FOXP2: variants seen among roughly 807,000 people sequenced by gnomAD.
The protein encoded by FOXP2 is forkhead box protein P2.
In FOXP2, 12 loss-of-function variants were observed where a neutral mutation model predicts 115.8. The observed-to-expected ratio is 0.10, with a 90% confidence interval of 0.07 to 0.17. The LOEUF is 0.17. Ranked by LOEUF, FOXP2 falls within the 10% of genes least tolerant of loss-of-function variation. The pLI, the probability that FOXP2 is intolerant of heterozygous loss-of-function variation, is 1.00. For synonymous variants in FOXP2, 328 were observed against 297.7 expected (o/e 1.10, Z -1.05); for missense variants, 629 against 843.5 (o/e 0.75, Z 3.15).
intron 8 of FOXP2, among the ~76,000 whole-genome samples, chr7:114,647,218 G>A (rs1282741307): frequency 6.6e-6 from 1 of 151,584 alleles, no homozygotes; most frequent in Non-Finnish European, 1.5e-5. Flanking sequence ...ACATTAAAAA[G>A]AATAATAGAA....
At chr7:114,294,129 A>C (rs1796677927) in intron 2 of FOXP2, among the ~76,000 whole-genome samples, 1 of 152,214 alleles carries the variant, frequency 6.6e-6, no homozygotes, top group African/African-American at 2.4e-5. Context: ...AAAATGTGAA[A>C]TGTTTAGATT....
At chr7:114,216,654 C>T (rs373374094) in intron 1 of FOXP2, among the ~76,000 whole-genome samples, 3 of 151,874 alleles carry the variant, frequency 2.0e-5, no homozygotes, top group South Asian at 2.1e-4. Context: ...CTTAAGTGTA[C>T]GTCTCTGATT....
At chr7:114,258,320 G>T (rs576111205) in intron 1 of FOXP2, among the ~76,000 whole-genome samples, 1 of 152,314 alleles carries the variant, frequency 6.6e-6, no homozygotes, top group African/African-American at 2.4e-5. Flanking sequence ...ACTGTGTTTG[G>T]TGGATATCCT....
chr7:114,442,891 T>C (rs1312384531), intron 2 of FOXP2, among the ~76,000 whole-genome samples: 1 of 152,178 alleles, frequency 6.6e-6, no homozygotes, highest in Non-Finnish European at 1.5e-5. Context: ...AAGATAGAAT[T>C]GACACTTCTT....
chr7:114,496,096 T>C (rs1797308483), intron 2 of FOXP2, among the ~76,000 whole-genome samples: 1 of 152,172 alleles, frequency 6.6e-6, no homozygotes, highest in Non-Finnish European at 1.5e-5. Context: ...GAATTCATTT[T>C]GTAAAATAAA....
chr7:114,604,390 A>G (rs1039012180), intron 3 of FOXP2, among the ~76,000 whole-genome samples: 26 of 152,220 alleles, frequency 1.7e-4, no homozygotes, highest in Admixed American at 1.6e-3. Flanking sequence ...TCAGTGTATA[A>G]CAATGCCTAA....
chr7:114,568,887 C>T, intron 3 of FOXP2, among the ~76,000 whole-genome samples: 1 of 151,790 alleles, frequency 6.6e-6, no homozygotes, highest in East Asian at 1.9e-4. Flanking sequence ...ACCTTCTGAC[C>T]TGACTGGGAT....
chr7:114,519,714 G>A (rs193212442), intron 2 of FOXP2, among the ~76,000 whole-genome samples: 1 of 152,060 alleles, frequency 6.6e-6, no homozygotes, highest in African/African-American at 2.4e-5. Context: ...AGCCTTTGAG[G>A]GGGGCAGCAA....
chr7:114,561,856 C>CT (rs745384869), intron 3 of FOXP2, among the ~76,000 whole-genome samples: 47 of 152,218 alleles, frequency 3.1e-4, no homozygotes, highest in Non-Finnish European at 5.4e-4. Flanking sequence ...GTAGCATGAT[C>CT]ATAGTTTACA....
chr7:114,670,598 G>GA (rs1179641302), intron 16 of FOXP2, among the ~76,000 whole-genome samples: 5 of 151,998 alleles, frequency 3.3e-5, no homozygotes, highest in Non-Finnish European at 5.9e-5. Context: ...AAACAGTATT[G>GA]AAAATCTAAA....
chr7:114,567,320 T>C (rs760562377), intron 3 of FOXP2, among the ~76,000 whole-genome samples: 2 of 152,092 alleles, frequency 1.3e-5, no homozygotes, highest in African/African-American at 2.4e-5. Flanking sequence ...CATATGATGA[T>C]GTTACTTATT....
intron 4 of FOXP2, 137 bp from the exon 5 acceptor site, chr7:114,629,668 C>T (rs1781007829): frequency 6.2e-7 from 1 of 1,600,066 alleles, no homozygotes; most frequent in African/African-American, 1.3e-5. Context: ...TCTTTGAATC[C>T]AATGTATATT....
intron 1 of FOXP2, among the ~76,000 whole-genome samples, chr7:114,247,471 T>G (rs1795315127): frequency 6.6e-6 from 1 of 152,194 alleles, no homozygotes; most frequent in Non-Finnish European, 1.5e-5. Flanking sequence ...ATTTACTTCC[T>G]TTAGAATTTT....
chr7:114,550,110 TTC>T (rs1478118930), intron 3 of FOXP2, among the ~76,000 whole-genome samples: 4 of 137,038 alleles, frequency 2.9e-5, no homozygotes, highest in African/African-American at 1.2e-4. Context: ...TTCCTTTCTT[TTC>T]TTTTTTTTTT....
chr7:114,672,196 T>TA (rs539550250), intron 16 of FOXP2, among the ~76,000 whole-genome samples: 6 of 152,166 alleles, frequency 3.9e-5, no homozygotes, highest in East Asian at 1.9e-4. Flanking sequence ...TATCTTACTA[T>TA]AAAAAAATGT....
intron 1 of FOXP2, among the ~76,000 whole-genome samples, chr7:114,169,534 G>C (rs1002706305): frequency 3.3e-5 from 5 of 152,176 alleles, no homozygotes; most frequent in Non-Finnish European, 7.3e-5. Context: ...GAAGTAACTA[G>C]CTTGCTTTTG....
At chr7:114,659,787 C>G in intron 13 of FOXP2, 114 bp downstream of exon 13, 1 of 817,580 alleles carries the variant, frequency 1.2e-6, no homozygotes. Context: ...CTCTTTTTAA[C>G]CTGCCTCTTG....
intron 2 of FOXP2, among the ~76,000 whole-genome samples, chr7:114,357,600 C>T (rs1218849673): frequency 6.6e-6 from 1 of 152,098 alleles, no homozygotes; most frequent in Non-Finnish European, 1.5e-5. Flanking sequence ...GGAGAGAAAG[C>T]TTTCCCAGAA....
At chr7:114,398,978 A>G (rs144324711) in intron 2 of FOXP2, among the ~76,000 whole-genome samples, 972 of 73,488 alleles carry the variant, frequency 0.013, 10 homozygotes, top group African/African-American at 0.049. Flanking sequence ...TTTCAAAGTC[A>G]TATCTTCACT....
Sources: allele counts gnomAD v4.1 joint callset (sites outside exome capture counted in the v4.1 genomes callset), GRCh38; gene constraint gnomAD v4.1.1; transcripts MANE v1.5; gene names NCBI Gene and HGNC (gene_info 2026-07-23, HGNC 2026-07-21).